Variants in SPIDR observed in about 807,000 individuals in gnomAD.
The protein encoded by SPIDR is scaffold protein involved in DNA repair.
In SPIDR, 93 loss-of-function variants were observed where a neutral mutation model predicts 104.6. The ratio of observed to expected loss-of-function variants is 0.89; its 90% CI spans 0.75 to 1.06. The LOEUF (loss-of-function observed/expected upper bound fraction) is 1.06. SPIDR is among the 50% of genes least tolerant of loss of function. SPIDR has a pLI of 0.00. For synonymous variants in SPIDR, 431 were observed against 416.9 expected (o/e 1.03, Z -0.41); for missense variants, 1,154 against 1,111.2 (o/e 1.04, Z -0.55).
intron 8 of SPIDR, among the ~76,000 whole-genome samples, chr8:47,523,499 A>G (rs2084496537): frequency 6.6e-6 from 1 of 152,190 alleles, no homozygotes; most frequent in African/African-American, 2.4e-5. Context: ...GCAAAGGTGT[A>G]ACTGTCACTT....
chr8:47,487,465 G>A (rs2077863993), intron 8 of SPIDR, among the ~76,000 whole-genome samples: 1 of 152,088 alleles, frequency 6.6e-6, no homozygotes, highest in South Asian at 2.1e-4. Context: ...AAGTTAAAAA[G>A]GATATCCAGG....
chr8:47,450,125 A>G lies in SPIDR; in HGVS notation c.1097+9583A>G, dbSNP rs2154348010. Among the ~76,000 whole-genome samples, 2 of 152,266 alleles carry G rather than the reference A, an allele frequency of 1.3e-5. 1 individual carries two copies. ...GGCTGCATTGAGCCATGATCCCACT[A>G]CTGCACTTCAGCCTGGGTAACAGAG... On this transcript the variant is annotated intron_variant, in intron 8 of 19. Transcript: ENST00000297423.
intron 16 of SPIDR, among the ~76,000 whole-genome samples, chr8:47,719,633 A>G (rs2083108901): frequency 6.6e-6 from 1 of 152,166 alleles, no homozygotes; most frequent in Admixed American, 6.5e-5. Context: ...GCACTGGGCT[A>G]ACAAGGGGTG....
chr8:47,689,786 T>C (rs1257127187), intron 11 of SPIDR, among the ~76,000 whole-genome samples: 1 of 152,134 alleles, frequency 6.6e-6, no homozygotes, highest in Non-Finnish European at 1.5e-5. Context: ...AATGCCGGTG[T>C]CCCACCCCTC....
At chr8:47,696,623 C>T (rs974648454) in intron 11 of SPIDR, among the ~76,000 whole-genome samples, 2 of 152,174 alleles carry the variant, frequency 1.3e-5, no homozygotes, top group Non-Finnish European at 2.9e-5. Context: ...CTGCAGAAGG[C>T]ACTTATCACA....
chr8:47,588,335 T>TA (rs1337804393), intron 8 of SPIDR, among the ~76,000 whole-genome samples: 6 of 150,304 alleles, frequency 4.0e-5, no homozygotes, highest in Non-Finnish European at 8.9e-5. Context: ...TTTTTTTTTT[T>TA]AGTTTTACAA....
intron 5 of SPIDR, among the ~76,000 whole-genome samples, chr8:47,364,186 C>T (rs372351578): frequency 1.3e-5 from 2 of 152,226 alleles, no homozygotes; most frequent in Non-Finnish European, 2.9e-5. Context: ...TAACTGGTCA[C>T]ATTTAATCCT....
chr8:47,557,788 G>C (rs1050805853), intron 8 of SPIDR, among the ~76,000 whole-genome samples: 1 of 152,114 alleles, frequency 6.6e-6, no homozygotes, highest in Admixed American at 6.5e-5. Flanking sequence ...TTTGAGATAC[G>C]CACAAGACTT....
intron 8 of SPIDR, among the ~76,000 whole-genome samples, chr8:47,529,207 G>A (rs1363436215): frequency 2.0e-5 from 3 of 152,126 alleles, no homozygotes; most frequent in African/African-American, 7.2e-5. Context: ...GGACCATGAG[G>A]TCAGGAGATC....
At chr8:47,523,345 G>A (rs566609616) in intron 8 of SPIDR, among the ~76,000 whole-genome samples, 75 of 152,236 alleles carry the variant, frequency 4.9e-4, no homozygotes, top group Admixed American at 1.2e-3. Flanking sequence ...GTAGGATTGT[G>A]GCCACAAACG....
At chr8:47,623,415 T>C (rs1167933111) in intron 10 of SPIDR, among the ~76,000 whole-genome samples, 1 of 152,214 alleles carries the variant, frequency 6.6e-6, no homozygotes, top group African/African-American at 2.4e-5. Flanking sequence ...ATGGGCTAAA[T>C]GCTCCAATTA....
intron 8 of SPIDR, among the ~76,000 whole-genome samples, chr8:47,471,681 A>C (rs1554721184): frequency 2.6e-5 from 4 of 152,204 alleles, no homozygotes; most frequent in Non-Finnish European, 4.4e-5. Flanking sequence ...AGAATAGTCC[A>C]CTTAAAATGG....
chr8:47,470,935 C>T (rs897633443), intron 8 of SPIDR, among the ~76,000 whole-genome samples: 4 of 152,030 alleles, frequency 2.6e-5, no homozygotes, highest in African/African-American at 7.2e-5. Context: ...GGGGTTTCAC[C>T]GTGTTAGCCA....
chr8:47,334,549 G>A (rs1312727461), intron 5 of SPIDR, among the ~76,000 whole-genome samples: 1 of 152,118 alleles, frequency 6.6e-6, no homozygotes, highest in African/African-American at 2.4e-5. Flanking sequence ...TGCTTTAAGT[G>A]TATTCTGCCT....
intron 8 of SPIDR, chr8:47,511,105 T>A: frequency 7.0e-7 from 1 of 1,435,418 alleles, no homozygotes; most frequent in South Asian, 1.1e-5. Context: ...GTCAGCCAGC[T>A]CTTTGTTTGG....
At chr8:47,695,850 G>A (rs148017153) in intron 11 of SPIDR, among the ~76,000 whole-genome samples, 78 of 152,332 alleles carry the variant, frequency 5.1e-4, no homozygotes, top group African/African-American at 1.8e-3. Flanking sequence ...TCCATAAAAT[G>A]TGTGTAAAAA....
intron 8 of SPIDR, among the ~76,000 whole-genome samples, chr8:47,523,668 C>T (rs2084528206): frequency 1.3e-5 from 2 of 152,120 alleles, no homozygotes; most frequent in African/African-American, 4.8e-5. Flanking sequence ...GCACCCAGGC[C>T]TGCCTCTCTT....
intron 11 of SPIDR, among the ~76,000 whole-genome samples, chr8:47,685,852 C>T (rs1342415701): frequency 6.6e-6 from 1 of 151,244 alleles, no homozygotes; most frequent in African/African-American, 2.4e-5. Context: ...GTACCTGGCC[C>T]TGTTTTTCTT....
At chr8:47,361,406 A>G (rs1489464216) in intron 5 of SPIDR, among the ~76,000 whole-genome samples, 2 of 152,178 alleles carry the variant, frequency 1.3e-5, no homozygotes, top group African/African-American at 4.8e-5. Context: ...CTGGGTGGGG[A>G]TGGGCATCCC....
Sources: allele counts gnomAD v4.1 joint callset (sites outside exome capture counted in the v4.1 genomes callset), GRCh38; gene constraint gnomAD v4.1.1; transcripts MANE v1.5; gene names NCBI Gene and HGNC (gene_info 2026-07-23, HGNC 2026-07-21).